Variants in SDF4 observed in about 807,000 individuals in gnomAD.
The protein encoded by SDF4 is stromal cell derived factor 4.
A neutral mutation model predicts 34.2 loss-of-function variants in SDF4; 22 were observed. The observed-to-expected ratio is 0.64, with a 90% CI of 0.46 to 0.92. The LOEUF is 0.92. SDF4 is among the 40% of genes least tolerant of loss of function. The pLI, the probability that SDF4 is intolerant of heterozygous loss-of-function variation, is 0.00. For missense variants in SDF4, 447 were observed against 499.9 expected (o/e 0.89, Z 1.01); for synonymous variants, 236 against 203.1 (o/e 1.16, Z -1.38).
intron 4 of SDF4, among the ~76,000 whole-genome samples, chr1:1,222,858 A>G (rs1650047332): frequency 6.6e-6 from 1 of 152,252 alleles, no homozygotes; most frequent in African/African-American, 2.4e-5. Flanking sequence ...ACGTGTGCAC[A>G]CAGCGGGTGT....
At chr1:1,226,386 A>G (rs1187279884) in intron 2 of SDF4, among the ~76,000 whole-genome samples, 1 of 120,214 alleles carries the variant, frequency 8.3e-6, no homozygotes, top group Non-Finnish European at 1.8e-5. Flanking sequence ...GGCTCTTTCC[A>G]GAAACCCTCA....
At chr1:1,220,832 C>A in intron 4 of SDF4, 1 of 1,105,012 alleles carries the variant, frequency 9.0e-7, no homozygotes, top group Non-Finnish European at 1.2e-6. Flanking sequence ...AGCACATCGC[C>A]AACAGGCCGG....
At chr1:1,219,167 C>T in intron 4 of SDF4, 1 of 1,383,644 alleles carries the variant, frequency 7.2e-7, no homozygotes. Flanking sequence ...TAGCTTGGAC[C>T]CCTCCACACA....
chr1:1,221,864 C>T (rs1649981243), intron 4 of SDF4, among the ~76,000 whole-genome samples: 1 of 152,002 alleles, frequency 6.6e-6, no homozygotes, highest in African/African-American at 2.4e-5. Flanking sequence ...GTAGGAGGAT[C>T]GCCTGAGCCC....
At position 1,224,575 on chromosome 1, in the gene SDF4, G is replaced by A. The variant is rs191853608; in HGVS notation, c.306-607C>T. Among the ~76,000 whole-genome samples the A allele has an allele frequency of 4.6e-4, 70 of 152,214 alleles. 2 individuals are homozygous for A. In the South Asian group the frequency reaches 9.3e-3, roughly 20 times the overall value. On this transcript the variant is annotated intron_variant, in intron 2 of 6. Transcript: ENST00000360001. ...GATTACAGGTGTGGCCACTGGGCCCGGCCCATGTTTTATTTTCGATGCTTC... is the reference window on the plus strand; with the variant it reads ...GATTACAGGTGTGGCCACTGGGCCCAGCCCATGTTTTATTTTCGATGCTTC...
intron 2 of SDF4, 89 bp downstream of exon 2, chr1:1,228,379 G>A (rs904432015): frequency 1.4e-5 from 20 of 1,387,624 alleles, no homozygotes; most frequent in East Asian, 5.0e-5. Context: ...CACAGGGCCC[G>A]GCGCCCCCCA....
chr1:1,229,625 C>T (rs1638430691), intron 1 of SDF4, among the ~76,000 whole-genome samples: 1 of 152,224 alleles, frequency 6.6e-6, no homozygotes, highest in Non-Finnish European at 1.5e-5. Context: ...ACCTGCAGCA[C>T]AGCTTTCCTG....
intron 3 of SDF4, 129 bp from the exon 4 acceptor site, chr1:1,223,486 C>T: frequency 1.4e-6 from 1 of 730,486 alleles, no homozygotes; most frequent in Non-Finnish European, 2.3e-6. Flanking sequence ...GCCCCAGGGC[C>T]CCGGCCAGCA....
Position 1,217,630 on chromosome 1 carries a change from GC to G in SDF4, c.949del (p.Ala317ProfsTer59). 3.1e-6 allele frequency: 5 copies of G among 1,613,830 alleles called. 1 individual carries two copies. Among genetic ancestry groups the G allele is most frequent in the Non-Finnish European group, 4.2e-6 (5 of 1,179,956 alleles). Reference protein sequence around the residue: ...NALNEAKQMIAVADENQNHHL... With the variant: ...NALNEAKQMIXVADENQNHHL... ...GTGGTTCTGGTTCTCGTCGGCGACGGCGATCATCTGCTTGGCCTCGTTCAGC... is the reference window on the plus strand; with the variant it reads ...GTGGTTCTGGTTCTCGTCGGCGACGGGATCATCTGCTTGGCCTCGTTCAGC... On this transcript the variant is annotated frameshift_variant, in exon 7 of 7. Transcript: ENST00000360001. LOFTEE classifies it high-confidence loss of function. This position sits in a 1 kb window ranked among gnomAD's most constrained non-coding sequence, Gnocchi z 8.5.
Position 1,218,842 on chromosome 1 carries a change from G to A in SDF4, c.642C>T (p.Phe214=), listed in dbSNP as rs1162747332. Residue 214 remains phenylalanine, a synonymous_variant, in exon 5 of 7, where the codon TTC becomes TTT. Coordinates refer to ENST00000360001, the MANE Select transcript of SDF4 (RefSeq NM_016176.6). This position sits in a 1 kb window ranked among gnomAD's most constrained non-coding sequence, Gnocchi z 7.9. The part of the protein sequence containing the change: ...PADLLLTEEE[F]LSFLHPEHSR... ...TGTGCTCGGGGTGGAGGAACGACAG[G>A]AACTCCTCCTCCGTCAGCAGCAGGT... 1.2e-6 allele frequency: 2 copies of A among 1,600,496 alleles called. No individual in the cohort carries two copies. Among genetic ancestry groups the A allele is most frequent in the African/African-American group, 1.3e-5 (1 of 74,806 alleles).
chr1:1,220,225 G>A, intron 4 of SDF4: 1 of 1,015,636 alleles, frequency 9.8e-7, no homozygotes, highest in Non-Finnish European at 1.2e-6. Flanking sequence ...GAAGGATCTG[G>A]AGAGACCCTC....
rs1369806703 is a variant in SDF4 at position 1,218,942 on chromosome 1, G to A, written c.557-15C>T. The A allele has an allele frequency of 6.2e-7, 1 of 1,611,322 alleles. No homozygotes were observed. Among genetic ancestry groups the A allele is most frequent in the East Asian group, 2.2e-5 (1 of 44,882 alleles). On this transcript the variant is annotated splice_polypyrimidine_tract_variant and intron_variant, in intron 4 of 6. Coordinates refer to ENST00000360001, the MANE Select transcript of SDF4 (RefSeq NM_016176.6). The surrounding 1 kb of genome is among the most constrained non-coding windows in gnomAD (Gnocchi z 7.9). Reference sequence around the variant, plus strand: ...GACTTCCTGTGCTGAGAGGGGCGCAGCCTGTGGGTATCGAGGCCGACAGAC... The same window carrying A: ...GACTTCCTGTGCTGAGAGGGGCGCAACCTGTGGGTATCGAGGCCGACAGAC...
In SDF4 at chr1:1,218,265, G is replaced by A. The variant is rs1649655717; in HGVS notation, c.891+193C>T. Among the ~76,000 whole-genome samples the A allele has an allele frequency of 6.6e-6, 1 of 151,954 alleles. No homozygotes were observed. The highest frequency in any genetic ancestry group is 1.5e-5 in the Non-Finnish European group (1 of 67,970). ...GGCCAGGCTCGCCTGTCTCTGATCCGTCTGAACCTAAACGCCAACAACGGC... is the reference window on the plus strand; with the variant it reads ...GGCCAGGCTCGCCTGTCTCTGATCCATCTGAACCTAAACGCCAACAACGGC... On this transcript the variant is annotated intron_variant, in intron 6 of 6. Coordinates refer to ENST00000360001, the MANE Select transcript of SDF4 (RefSeq NM_016176.6). The surrounding 1 kb of genome is among the most constrained non-coding windows in gnomAD (Gnocchi z 7.9).
chr1:1,230,915 G>A (rs1570495099), intron 1 of SDF4, among the ~76,000 whole-genome samples: 1 of 152,164 alleles, frequency 6.6e-6, no homozygotes, highest in African/African-American at 2.4e-5. Context: ...TAAAACACAC[G>A]CTGTGTGCAA....
chr1:1,228,330 C>T (rs1478184756), intron 2 of SDF4, 138 bp downstream of exon 2: 5 of 958,786 alleles, frequency 5.2e-6, no homozygotes, highest in Non-Finnish European at 7.6e-6. Flanking sequence ...GGAAGTGGCG[C>T]TCATCACCGG....
At chr1:1,229,602 C>T (rs541796472) in intron 1 of SDF4, among the ~76,000 whole-genome samples, 1 of 152,184 alleles carries the variant, frequency 6.6e-6, no homozygotes, top group Non-Finnish European at 1.5e-5. Flanking sequence ...CTAACCTGTC[C>T]CCATCGCCCA....
chr1:1,229,003 C>T (rs1433090677), intron 1 of SDF4, 57 bp from the exon 2 acceptor site: 14 of 580,754 alleles, frequency 2.4e-5, no homozygotes, highest in Admixed American at 1.5e-4. Flanking sequence ...TCCCCAAGCA[C>T]GTCTATCCTG....
In SDF4 at chr1:1,217,173, C is replaced by A. The variant is rs1353850856; in HGVS notation, c.*339G>T. On this transcript the variant is annotated 3_prime_UTR_variant, in exon 7 of 7. Coordinates refer to ENST00000360001, the MANE Select transcript of SDF4 (RefSeq NM_016176.6). The surrounding 1 kb of genome is among the most constrained non-coding windows in gnomAD (Gnocchi z 8.5). ...CGGCGGCCCTGGGAGGGGCCGGGCC[C>A]AGAGGTTCCGGCCGCGATGCCGTCA... The A allele has an allele frequency of 1.3e-5, 2 of 155,592 alleles. No individual in the cohort carries two copies. The highest frequency in any genetic ancestry group is 2.8e-5 in the Non-Finnish European group (2 of 70,292). The allele number at this position is 155,592 out of a possible 1,614,324, so 9.6% of individuals were successfully genotyped here. A position where few individuals can be genotyped will look rare whatever the true frequency, so the allele number is the denominator to read the frequency against.
intron 4 of SDF4, chr1:1,220,623 G>C (rs1649889390): frequency 7.8e-7 from 1 of 1,289,078 alleles, no homozygotes; most frequent in Non-Finnish European, 1.0e-6. Flanking sequence ...CATGCATGGG[G>C]ACCCCCAAAA....
Sources: gnomAD v4.1 joint callset for allele counts (sites outside exome capture counted in the v4.1 genomes callset) on GRCh38, gnomAD v4.1.1 for gene constraint, Gnocchi (gnomAD v3.1) non-coding constraint, MANE v1.5 for transcripts, NCBI Gene and HGNC (gene_info 2026-07-23, HGNC 2026-07-21) for gene names.